Variants in HMGA2 observed in about 807,000 individuals in gnomAD.
The protein encoded by HMGA2 is high mobility group AT-hook 2.
HMGA2 carries 8 observed loss-of-function variants against 19.1 expected under a neutral mutation model. The observed-to-expected ratio is 0.42, with a 90% CI of 0.25 to 0.76. The LOEUF (loss-of-function observed/expected upper bound fraction) is 0.76, where lower values mean the gene tolerates loss of function less well. Ranked by LOEUF, HMGA2 falls within the 30% of genes least tolerant of loss-of-function variation. The pLI is 0.28. For synonymous variants in HMGA2, 60 were observed against 48.8 expected, an observed-to-expected ratio of 1.23 and a Z score of -0.96; for missense variants, 109 against 136.3, an observed-to-expected ratio of 0.80 and a Z score of 1.00.
At chr12:65,864,770 C>G (rs1872300291) in intron 3 of HMGA2, among the ~76,000 whole-genome samples, 1 of 152,092 alleles carries the variant, frequency 6.6e-6, no homozygotes, top group African/African-American at 2.4e-5. Context: ...ATAAAATTGT[C>G]AGTGGCCTAC....
intron 3 of HMGA2, among the ~76,000 whole-genome samples, chr12:65,855,615 A>G (rs1871699503): frequency 6.6e-6 from 1 of 152,144 alleles, no homozygotes; most frequent in Non-Finnish European, 1.5e-5. Context: ...AACTGTGAAT[A>G]TTAACATTTA....
At position 65,965,097 on chromosome 12, in the gene HMGA2, T is replaced by C. The variant is rs1254576225; in HGVS notation, c.*1805T>C. The C allele has an allele frequency of 1.0e-5, 2 of 192,764 alleles. No homozygotes were observed. Among genetic ancestry groups the C allele is most frequent in the African/African-American group, 4.6e-5 (2 of 43,158 alleles). The allele number at this position is 192,764 out of a possible 1,614,324, so 11.9% of individuals were successfully genotyped here. A position where few individuals can be genotyped will look rare whatever the true frequency, so the allele number is the denominator to read the frequency against. ...AAGACATTTGATAGAAAGGAACACG[T>C]TTTTACATACTTTTGCAAAATAAGT... is the stretch of plus-strand genomic sequence containing the variant. On this transcript the variant is annotated 3_prime_UTR_variant, in exon 5 of 5. Transcript: ENST00000403681.
rs142325303 is a variant in HMGA2, at chr12:65,911,650, A to G, written c.250-39733A>G. 2.4e-4 allele frequency among the ~76,000 whole-genome samples: 36 copies of G among 152,272 alleles called. 1 individual carries two copies. Among genetic ancestry groups the G allele is most frequent in the African/African-American group, 8.2e-4 (34 of 41,560 alleles). On this transcript the variant is annotated intron_variant, in intron 3 of 4. Coordinates refer to ENST00000403681, the MANE Select transcript of HMGA2 (RefSeq NM_003483.6). The stretch of plus-strand genomic sequence containing the variant: ...CTTATTCCAAAAGCCAATCCTCCTA[A>G]TGAGCATTCGGTCATTAGAATTTTC...
chr12:65,881,163 A>C (rs980494878), intron 3 of HMGA2: 1 of 155,036 alleles, frequency 6.5e-6, no homozygotes, highest in Admixed American at 6.2e-5. Flanking sequence ...GGCTATCCTG[A>C]CACTTTGCCC....
chr12:65,931,037 A>G (rs1285683749), intron 3 of HMGA2, among the ~76,000 whole-genome samples: 1 of 152,228 alleles, frequency 6.6e-6, no homozygotes, highest in Non-Finnish European at 1.5e-5. Flanking sequence ...AGTCATACAA[A>G]GAGTTAAATT....
chr12:65,839,247 C>T (rs756416362), intron 3 of HMGA2, among the ~76,000 whole-genome samples: 2 of 152,014 alleles, frequency 1.3e-5, no homozygotes, highest in African/African-American at 2.4e-5. Context: ...CACTGAAGAG[C>T]TTTGCTAATT....
intron 4 of HMGA2, 78 bp from the exon 5 acceptor site, chr12:65,963,167 T>A: frequency 1.5e-6 from 2 of 1,337,458 alleles, no homozygotes; most frequent in South Asian, 2.4e-5. Context: ...GGAAACAGGT[T>A]ACCTCTGCAC....
intron 3 of HMGA2, chr12:65,867,691 G>C: frequency 4.2e-6 from 1 of 238,062 alleles, no homozygotes; most frequent in South Asian, 5.6e-5. Context: ...AGAGCCGTAA[G>C]GCTGCCTGCA....
intron 3 of HMGA2, among the ~76,000 whole-genome samples, chr12:65,887,565 A>G (rs1337130115): frequency 6.6e-6 from 1 of 152,134 alleles, no homozygotes; most frequent in Non-Finnish European, 1.5e-5. Flanking sequence ...TACTAAAAAT[A>G]TACAAAAATT....
intron 3 of HMGA2, among the ~76,000 whole-genome samples, chr12:65,855,458 T>TCTCTCTCA (rs140365204): frequency 7.1e-6 from 1 of 140,234 alleles, no homozygotes; most frequent in African/African-American, 2.8e-5. Flanking sequence ...TCTCTCTCTC[T>TCTCTCTCA]CACACACACA....
chr12:65,961,334 G>A (rs563009361), intron 4 of HMGA2, among the ~76,000 whole-genome samples: 26 of 152,274 alleles, frequency 1.7e-4, no homozygotes, highest in African/African-American at 5.5e-4. Context: ...TCTTTGGCTC[G>A]TCTCTCTTTC....
At chr12:65,937,445 G>A (rs1875935847) in intron 3 of HMGA2, among the ~76,000 whole-genome samples, 1 of 152,222 alleles carries the variant, frequency 6.6e-6, no homozygotes, top group Admixed American at 6.5e-5. Flanking sequence ...CAGAACTGCA[G>A]TTGACTCCCA....
chr12:65,957,631 C>T (rs1040418012), intron 4 of HMGA2: 3 of 152,216 alleles, frequency 2.0e-5, no homozygotes, highest in African/African-American at 7.2e-5. Context: ...GAAATCATCA[C>T]TCCTGAAACT....
rs114427990 is a variant in HMGA2 at position 65,928,160 on chromosome 12, C to T, written c.250-23223C>T. Among the ~76,000 whole-genome samples, 402 of 152,150 alleles carry T rather than the reference C, an allele frequency of 2.6e-3. 1 individual carries two copies. Among genetic ancestry groups the T allele is most frequent in the African/African-American group, 8.3e-3 (344 of 41,508 alleles). ...GCACATCTAGGCTAAATGGTGCATC[C>T]CATTGCTCCTAAGCTACAAACCTGT... On this transcript the variant is annotated intron_variant, in intron 3 of 4. Coordinates refer to ENST00000403681, the MANE Select transcript of HMGA2 (RefSeq NM_003483.6).
chr12:65,936,448 C>T (rs576032644), intron 3 of HMGA2, among the ~76,000 whole-genome samples: 2 of 152,254 alleles, frequency 1.3e-5, no homozygotes, highest in South Asian at 2.1e-4. Flanking sequence ...ATACATATTC[C>T]TGTGCAGCTG....
chr12:65,863,826 G>C (rs900976196), intron 3 of HMGA2, among the ~76,000 whole-genome samples: 1 of 152,174 alleles, frequency 6.6e-6, no homozygotes, highest in Non-Finnish European at 1.5e-5. Flanking sequence ...ATGTTTCCAG[G>C]TAATTTGGCT....
chr12:65,959,549 G>T (rs931447080), intron 4 of HMGA2, among the ~76,000 whole-genome samples: 2 of 152,162 alleles, frequency 1.3e-5, no homozygotes, highest in African/African-American at 4.8e-5. Flanking sequence ...GAGCTTTTCG[G>T]TGTTTAGAGG....
chr12:65,862,546 A>C (rs1159702262), intron 3 of HMGA2, among the ~76,000 whole-genome samples: 1 of 152,244 alleles, frequency 6.6e-6, no homozygotes, highest in Non-Finnish European at 1.5e-5. Flanking sequence ...TGGGTGTACA[A>C]AATGAAAGCC....
intron 3 of HMGA2, chr12:65,842,021 C>T: frequency 3.5e-6 from 4 of 1,140,960 alleles, no homozygotes; most frequent in Non-Finnish European, 1.1e-6. Flanking sequence ...CTAGTTTGAA[C>T]TGGATTTCAG....
Sources: allele counts gnomAD v4.1 joint callset (sites outside exome capture counted in the v4.1 genomes callset), GRCh38; gene constraint gnomAD v4.1.1; transcripts MANE v1.5; gene names NCBI Gene and HGNC (gene_info 2026-07-23, HGNC 2026-07-21).